The following TMLHE variants were observed in gnomAD, a reference collection of about 807,000 sequenced individuals.
TMLHE encodes trimethyllysine hydroxylase, epsilon, also known as trimethyllysine dioxygenase, mitochondrial.
TMLHE carries 18 observed loss-of-function variants against 25.7 expected under a neutral mutation model. That is an observed-to-expected ratio of 0.70 (90% confidence interval 0.48 to 1.04). The LOEUF (loss-of-function observed/expected upper bound fraction) is 1.04. TMLHE is among the 50% of genes least tolerant of loss of function. TMLHE has a pLI of 0.00. For synonymous variants in TMLHE, 105 were observed against 97.0 expected (o/e 1.08, Z -0.49); for missense variants, 236 against 259.0 (o/e 0.91, Z 0.61).
chrX:155,548,911 G>C (rs142416933), intron 1 of TMLHE, among the ~76,000 whole-genome samples: 2 of 110,591 alleles, frequency 1.8e-5, no homozygotes, highest in African/African-American at 6.7e-5. Flanking sequence ...AGTGAGATAT[G>C]ATATAACCAT....
At chrX:155,556,029 TC>T (rs1190481748) in intron 1 of TMLHE, among the ~76,000 whole-genome samples, 1 of 111,034 alleles carries the variant, frequency 9.0e-6, no homozygotes, top group African/African-American at 3.3e-5. Flanking sequence ...CTTTAATCCA[TC>T]TTGAATTGGT....
intron 5 of TMLHE, among the ~76,000 whole-genome samples, chrX:155,510,623 C>T (rs1183389699): frequency 1.8e-5 from 2 of 109,621 alleles, no homozygotes; most frequent in Admixed American, 2.0e-4. Context: ...TGTATATGTG[C>T]CACATTTTCT....
intron 1 of TMLHE, among the ~76,000 whole-genome samples, chrX:155,558,603 G>C (rs1266103162): frequency 9.0e-6 from 1 of 111,261 alleles, no homozygotes; most frequent in Non-Finnish European, 1.9e-5. Flanking sequence ...AATCTAAAAT[G>C]TTTGCTTAAT....
At chrX:155,581,707 A>G in intron 1 of TMLHE, among the ~76,000 whole-genome samples, 1 of 112,232 alleles carries the variant, frequency 8.9e-6, no homozygotes, top group East Asian at 2.8e-4. Flanking sequence ...TTCCATGCTC[A>G]TGGACAGGAA....
At chrX:155,510,722 G>A (rs1460993686) in intron 5 of TMLHE, among the ~76,000 whole-genome samples, 2 of 109,020 alleles carry the variant, frequency 1.8e-5, no homozygotes, top group Non-Finnish European at 3.8e-5. Flanking sequence ...GTGTGCATGT[G>A]TCTTTATAGC....
chrX:155,512,803 T>G (rs185199665), intron 4 of TMLHE, among the ~76,000 whole-genome samples: 165 of 111,956 alleles, frequency 1.5e-3, no homozygotes, highest in African/African-American at 5.1e-3. Flanking sequence ...AAAGGATAGT[T>G]TGTGTTAGCA....
Position 155,548,483 on chromosome X carries a change from C to T in TMLHE, c.-1-3206G>A, listed in dbSNP as rs1380222543. On this transcript the variant is annotated intron_variant, in intron 1 of 7. Coordinates refer to ENST00000334398, the MANE Select transcript of TMLHE (RefSeq NM_018196.4). Reference sequence around the variant, plus strand: ...GGGCACGGTGGCTCATGCCTGAAATCCCAGCACTTTGGGAGGTCAAGGCGG... The same window carrying T: ...GGGCACGGTGGCTCATGCCTGAAATTCCAGCACTTTGGGAGGTCAAGGCGG... Among the ~76,000 whole-genome samples the T allele has an allele frequency of 2.8e-5, 3 of 108,872 alleles. 1 individual carries two copies. The highest frequency in any genetic ancestry group is 1.1e-4 in the African/African-American group (3 of 28,338). The allele number at this position is 108,872 out of a possible 115,157, so 94.5% of individuals were successfully genotyped here.
At position 155,562,127 on chromosome X, in the gene TMLHE, T is replaced by G. The variant is rs1180216438; in HGVS notation, c.-1-16850A>C. Among the ~76,000 whole-genome samples the G allele has an allele frequency of 2.1e-4, 13 of 62,613 alleles. 2 individuals carry two copies. Among genetic ancestry groups the G allele is most frequent in the Middle Eastern group, 0.013 (1 of 78 alleles). The allele number at this position is 62,613 out of a possible 115,157, so 54.4% of individuals were successfully genotyped here. A position where few individuals can be genotyped will look rare whatever the true frequency, so the allele number is the denominator to read the frequency against. ...TAGTAGAGGTTCTCCATGATGGTTC[T>G]GCCCCTGCAACAGACTTCTGCCTGG... On this transcript the variant is annotated intron_variant, in intron 1 of 7. Coordinates refer to ENST00000334398, the MANE Select transcript of TMLHE (RefSeq NM_018196.4).
chrX:155,544,470 T>C (rs1428576587), intron 2 of TMLHE, among the ~76,000 whole-genome samples: 9 of 111,693 alleles, frequency 8.1e-5, no homozygotes, highest in African/African-American at 2.9e-4. Flanking sequence ...CCAGCAACCA[T>C]AAGAAACTAG....
rs60233546 is a variant in TMLHE at position 155,533,379 on chromosome X, G to GCACA, written c.182-8751_182-8748dup. ...TACACATGCACACACACGTGCACAC[G>GCACA]CACACACACACACACACACATATAT... On this transcript the variant is annotated intron_variant, in intron 2 of 7. Transcript: ENST00000334398. 5.1e-3 allele frequency among the ~76,000 whole-genome samples: 550 copies of GCACA among 108,074 alleles called. 5 individuals carry two copies. The highest frequency in any genetic ancestry group is 0.028 in the East Asian group (96 of 3,430). 93.8% of individuals were successfully genotyped at this position (108,074 alleles called of 115,157 possible). A position where few individuals can be genotyped will look rare whatever the true frequency, so the allele number is the denominator to read the frequency against.
chrX:155,604,154 C>A (rs5983749), intron 1 of TMLHE, among the ~76,000 whole-genome samples: 152 of 111,671 alleles, frequency 1.4e-3, no homozygotes, highest in African/African-American at 4.8e-3. Context: ...TGCCCTACCT[C>A]GTGGCTGAAC....
chrX:155,578,335 G>T (rs2067604085), intron 1 of TMLHE, among the ~76,000 whole-genome samples: 1 of 111,393 alleles, frequency 9.0e-6, no homozygotes, highest in African/African-American at 3.3e-5. Context: ...CAGGGTCCCT[G>T]AGGGCAAGTA....
chrX:155,548,199 A>C (rs1189618047), intron 1 of TMLHE, among the ~76,000 whole-genome samples: 2 of 112,214 alleles, frequency 1.8e-5, no homozygotes, highest in Non-Finnish European at 3.8e-5. Context: ...AAATTTCTGG[A>C]GTAAGACTTC....
At chrX:155,557,332 T>A (rs1194115535) in intron 1 of TMLHE, among the ~76,000 whole-genome samples, 2 of 112,182 alleles carry the variant, frequency 1.8e-5, no homozygotes, top group African/African-American at 6.5e-5. Context: ...TATAAAATCT[T>A]CACAATCCAC....
At chrX:155,601,390 T>A (rs1378809770) in intron 1 of TMLHE, among the ~76,000 whole-genome samples, 1 of 112,234 alleles carries the variant, frequency 8.9e-6, no homozygotes, top group Non-Finnish European at 1.9e-5. Flanking sequence ...TTATAACATA[T>A]TAAGATGTAA....
intron 1 of TMLHE, among the ~76,000 whole-genome samples, chrX:155,549,874 T>C (rs1035376660): frequency 1.4e-4 from 15 of 109,640 alleles, no homozygotes; most frequent in Middle Eastern, 4.6e-3. Context: ...ATCCCTCCCC[T>C]AGCCCCCACT....
At chrX:155,578,033 C>G (rs2067602197) in intron 1 of TMLHE, among the ~76,000 whole-genome samples, 1 of 111,875 alleles carries the variant, frequency 8.9e-6, no homozygotes, top group Non-Finnish European at 1.9e-5. Context: ...TGCCCTGGGG[C>G]TAATGCTGCC....
At position 155,588,638 on chromosome X, in the gene TMLHE, T is replaced by C. The variant is rs190469517; in HGVS notation, c.-2+24154A>G. Among the ~76,000 whole-genome samples, 774 of 102,940 alleles carry C rather than the reference T, an allele frequency of 7.5e-3. 6 individuals carry two copies. Among genetic ancestry groups the C allele is most frequent in the African/African-American group, 0.026 (735 of 28,306 alleles). 89.4% of individuals were successfully genotyped at this position (102,940 alleles called of 115,157 possible). ...AGAAGGAACTCAAAGAACTCAACAA[T>C]AAAAAAAAAAATCCCGTTAAAAAGT... On this transcript the variant is annotated intron_variant, in intron 1 of 7. Coordinates refer to ENST00000334398, the MANE Select transcript of TMLHE (RefSeq NM_018196.4).
At chrX:155,536,175 T>C (rs986626530) in intron 2 of TMLHE, among the ~76,000 whole-genome samples, 1 of 111,513 alleles carries the variant, frequency 9.0e-6, no homozygotes, top group African/African-American at 3.3e-5. Context: ...TTGTTTATCA[T>C]TGCCACAAGA....
Sources: allele counts gnomAD v4.1 joint callset (sites outside exome capture counted in the v4.1 genomes callset), GRCh38; gene constraint gnomAD v4.1.1; transcripts MANE v1.5; gene names NCBI Gene and HGNC (gene_info 2026-07-23, HGNC 2026-07-21).